Variants in EPB41L2 observed in about 807,000 individuals in gnomAD.
EPB41L2 encodes the protein erythrocyte membrane protein band 4.1 like 2.
Under a neutral mutation model 113.0 loss-of-function variants are expected in EPB41L2, and 43 were observed. The ratio of observed to expected loss-of-function variants is 0.38; its 90% confidence interval spans 0.30 to 0.49. The LOEUF is 0.49. Among genes scored for constraint, EPB41L2 ranks in the 20% least tolerant of loss-of-function variants. The pLI is 0.95. For synonymous variants in EPB41L2, 442 were observed against 436.7 expected (o/e 1.01, Z -0.15); for missense variants, 1,147 against 1,223.4 (o/e 0.94, Z 0.93).
intron 1 of EPB41L2, among the ~76,000 whole-genome samples, chr6:131,000,083 G>A (rs1784033066): frequency 6.6e-6 from 1 of 151,872 alleles, no homozygotes; most frequent in African/African-American, 2.4e-5. Context: ...TTTTCCCAAT[G>A]CACATCTCAC....
chr6:130,899,706 T>C (rs976957271), intron 7 of EPB41L2, 128 bp from the exon 8 acceptor site: 8 of 754,052 alleles, frequency 1.1e-5, no homozygotes, highest in Admixed American at 7.5e-5. Context: ...TGCAGAAAAG[T>C]AGGAAATGGT....
chr6:130,976,610 T>TG, intron 1 of EPB41L2, among the ~76,000 whole-genome samples: 1 of 151,356 alleles, frequency 6.6e-6, no homozygotes, highest in East Asian at 1.9e-4. Flanking sequence ...AATAAAAGAG[T>TG]GGTGGCTGAG....
intron 2 of EPB41L2, 79 bp from the exon 3 acceptor site, chr6:130,955,396 A>T (rs1003014492): frequency 1.5e-6 from 2 of 1,342,214 alleles, no homozygotes; most frequent in Admixed American, 3.8e-5. Flanking sequence ...AAAATCTTTC[A>T]TAAGAATTAG....
At chr6:130,863,795 G>A in intron 17 of EPB41L2, 77 bp from the exon 18 acceptor site, 2 of 927,086 alleles carry the variant, frequency 2.2e-6, no homozygotes, top group Admixed American at 1.8e-5. Context: ...AACAGAGATG[G>A]GAGTCCACCT....
At position 131,025,161 on chromosome 6, in the gene EPB41L2, C is replaced by G. The variant is rs146559400; in HGVS notation, c.-15+37994G>C. On this transcript the variant is annotated intron_variant, in intron 1 of 19. Transcript: ENST00000337057. ...CAGATACCCACAAGTTCCAAGACCA[C>G]TCTTGGTAATGGTGACTGTAGGTGC... is the stretch of plus-strand genomic sequence containing the variant. Among the ~76,000 whole-genome samples the G allele has an allele frequency of 5.6e-4, 86 of 152,230 alleles. No individual in the cohort carries two copies. The East Asian group carries it at 0.012, about 22-fold the overall frequency.
intron 10 of EPB41L2, 114 bp downstream of exon 10, chr6:130,894,230 G>A (rs1028437673): frequency 2.6e-6 from 2 of 774,196 alleles, no homozygotes; most frequent in Non-Finnish European, 4.5e-6. Flanking sequence ...ATGTTCCCCA[G>A]GCTGGTCTCA....
At chr6:130,961,028 C>A (rs1168976364) in intron 1 of EPB41L2, among the ~76,000 whole-genome samples, 2 of 152,152 alleles carry the variant, frequency 1.3e-5, no homozygotes, top group Admixed American at 6.5e-5. Flanking sequence ...TATCAACAAC[C>A]AAACTGAGGA....
At chr6:130,954,278 C>G (rs62423581) in intron 3 of EPB41L2, among the ~76,000 whole-genome samples, 42,360 of 151,508 alleles carry the variant, frequency 0.28, 6,981 homozygotes, top group Non-Finnish European at 0.37. Flanking sequence ...TGGTCTGGAT[C>G]TCCTGACCTC....
At chr6:130,858,569 C>T (rs959003688) in intron 18 of EPB41L2, among the ~76,000 whole-genome samples, 2 of 151,488 alleles carry the variant, frequency 1.3e-5, no homozygotes, top group African/African-American at 2.4e-5. Context: ...TACCTGTAAC[C>T]TGAGACTAAT....
At chr6:130,880,235 A>G (rs1788865093) in intron 12 of EPB41L2, 29 bp from the exon 13 acceptor site, 1 of 1,513,916 alleles carries the variant, frequency 6.6e-7, no homozygotes, top group African/African-American at 1.4e-5. Context: ...CACAGGGGGG[A>G]AAAGGCAAAT....
At chr6:130,968,746 T>A (rs997476685) in intron 1 of EPB41L2, among the ~76,000 whole-genome samples, 9 of 148,864 alleles carry the variant, frequency 6.0e-5, no homozygotes, top group Admixed American at 2.0e-4. Context: ...TTTTTTTTTT[T>A]AAAGTTAAGT....
chr6:130,968,624 A>C (rs753696676), intron 1 of EPB41L2, among the ~76,000 whole-genome samples: 2 of 152,134 alleles, frequency 1.3e-5, no homozygotes, highest in Non-Finnish European at 2.9e-5. Flanking sequence ...AGAGTATCCA[A>C]ATTATGGACC....
chr6:131,008,334 C>T (rs557083566), intron 1 of EPB41L2, among the ~76,000 whole-genome samples: 120 of 152,316 alleles, frequency 7.9e-4, no homozygotes, highest in Non-Finnish European at 1.4e-3. Context: ...CCTGCGGGCG[C>T]GCAGAAGTTA....
At chr6:131,039,534 T>G (rs1211574012) in intron 1 of EPB41L2, among the ~76,000 whole-genome samples, 2 of 152,218 alleles carry the variant, frequency 1.3e-5, no homozygotes, top group African/African-American at 2.4e-5. Context: ...ATTTGCTGAA[T>G]TAGGGCCTCA....
intron 1 of EPB41L2, among the ~76,000 whole-genome samples, chr6:131,050,117 T>A (rs1330979607): frequency 6.6e-6 from 1 of 152,186 alleles, no homozygotes; most frequent in African/African-American, 2.4e-5. Flanking sequence ...GGAGGGCAGA[T>A]CACCTGAGGT....
At chr6:130,958,468 C>CA (rs200548809) in intron 1 of EPB41L2, among the ~76,000 whole-genome samples, 44,786 of 111,824 alleles carry the variant, frequency 0.4, 8,613 homozygotes, top group Non-Finnish European at 0.49. Flanking sequence ...ACAACAACAA[C>CA]AAAAAAAAAA....
chr6:131,025,152 CCA>C (rs1278065347), intron 1 of EPB41L2, among the ~76,000 whole-genome samples: 2 of 152,174 alleles, frequency 1.3e-5, no homozygotes, highest in Non-Finnish European at 1.5e-5. Context: ...CCCACAAGTT[CCA>C]AGACCACTCT....
At chr6:130,904,085 T>G (rs1031157487) in intron 6 of EPB41L2, among the ~76,000 whole-genome samples, 13 of 152,208 alleles carry the variant, frequency 8.5e-5, no homozygotes, top group African/African-American at 3.1e-4. Context: ...TTTGCTAACC[T>G]CATATCATCT....
chr6:131,059,114 C>CTTCTTTTTTT (rs34376821), intron 1 of EPB41L2, among the ~76,000 whole-genome samples: 1 of 131,366 alleles, frequency 7.6e-6, no homozygotes, highest in African/African-American at 2.8e-5. Flanking sequence ...TTACCTATAA[C>CTTCTTTTTTT]TTTTTTTTTT....
Sources: gnomAD v4.1 joint callset for allele counts (sites outside exome capture counted in the v4.1 genomes callset) on GRCh38, gnomAD v4.1.1 for gene constraint, MANE v1.5 for transcripts, NCBI Gene and HGNC (gene_info 2026-07-23, HGNC 2026-07-21) for gene names.